The following NOL11 variants were observed in gnomAD, a reference collection of about 807,000 sequenced individuals.
NOL11 encodes nucleolar protein 11.
In NOL11, 42 loss-of-function variants were observed where a neutral mutation model predicts 93.0. The ratio of observed to expected loss-of-function variants is 0.45; its 90% CI spans 0.35 to 0.58. The LOEUF (loss-of-function observed/expected upper bound fraction) is 0.58, where lower values mean the gene tolerates loss of function less well. NOL11 is among the 20% of genes least tolerant of loss of function. The pLI, the probability that NOL11 is intolerant of heterozygous loss-of-function variation, is 0.00. For synonymous variants in NOL11, 296 were observed against 293.7 expected (o/e 1.01, Z -0.08); for missense variants, 775 against 841.8 (o/e 0.92, Z 0.98).
At chr17:67,738,711 C>T (rs1284017307) in intron 14 of NOL11, 5 of 494,436 alleles carry the variant, frequency 1.0e-5, no homozygotes, top group African/African-American at 2.0e-5. Flanking sequence ...TATACTAACA[C>T]AGAAGCTCTA....
intron 7 of NOL11, among the ~76,000 whole-genome samples, chr17:67,728,547 CTCTT>C (rs1361873035): frequency 1.3e-5 from 2 of 152,282 alleles, no homozygotes; most frequent in East Asian, 1.9e-4. Context: ...CCATCTTCCT[CTCTT>C]TCTTATTTCT....
chr17:67,729,567 A>G (rs1234392331), intron 7 of NOL11, among the ~76,000 whole-genome samples: 4 of 151,842 alleles, frequency 2.6e-5, no homozygotes, highest in Non-Finnish European at 5.9e-5. Context: ...ACTTTGTGTA[A>G]ATGAAATCAT....
At position 67,737,631 on chromosome 17, in the gene NOL11, C is replaced by A; in HGVS notation, c.1342C>A (p.Pro448Thr). Reference protein sequence around the residue: ...TGLLERCKAEPSFYPRNCLMQ... With the variant: ...TGLLERCKAETSFYPRNCLMQ... ...ACTTCTGGAAAGGTGTAAAGCAGAA[C>A]CATCATTTTATCCCCGGAACTGTCT... Residue 448 changes from proline (P) to threonine (T), a missense_variant, in exon 12 of 18, where the codon CCA (proline) becomes ACA (threonine). Pro to Thr is a conservative substitution (Grantham distance 38). This residue lies in a region of NOL11 where 416 missense variants were observed against 525.2 expected (regional missense o/e 0.79). Transcript: ENST00000253247. The A allele has an allele frequency of 6.2e-7, 1 of 1,614,160 alleles. No homozygotes were observed.
chr17:67,740,438 C>T (rs1302584095), intron 16 of NOL11, among the ~76,000 whole-genome samples: 2 of 150,946 alleles, frequency 1.3e-5, no homozygotes, highest in Non-Finnish European at 3.0e-5. Flanking sequence ...GGAGAAACCC[C>T]GTCTCTACTA....
At chr17:67,735,616 G>A (rs2055194290) in intron 8 of NOL11, among the ~76,000 whole-genome samples, 1 of 151,898 alleles carries the variant, frequency 6.6e-6, no homozygotes, top group South Asian at 2.1e-4. Context: ...GTTAATAGAT[G>A]TATAATAGTG....
intron 1 of NOL11, among the ~76,000 whole-genome samples, chr17:67,718,763 TC>T (rs2043194836): frequency 6.6e-6 from 1 of 152,198 alleles, no homozygotes; most frequent in South Asian, 2.1e-4. Flanking sequence ...AACATAGTTT[TC>T]CATGTTTTAA....
At chr17:67,730,520 G>A (rs543406708) in intron 7 of NOL11, among the ~76,000 whole-genome samples, 2 of 151,962 alleles carry the variant, frequency 1.3e-5, no homozygotes, top group South Asian at 2.1e-4. Context: ...TCAGCCTCCC[G>A]AAGTGCTGGG....
At chr17:67,718,210 G>T in intron 1 of NOL11, 122 bp downstream of exon 1, 1 of 1,357,994 alleles carries the variant, frequency 7.4e-7, no homozygotes, top group Non-Finnish European at 1.0e-6. Flanking sequence ...GCAGAGAGCC[G>T]GCTGGGCCTG....
chr17:67,729,307 C>T (rs764327622), intron 7 of NOL11, among the ~76,000 whole-genome samples: 11 of 151,934 alleles, frequency 7.2e-5, no homozygotes, highest in East Asian at 1.9e-4. Flanking sequence ...TTAGTAGAGA[C>T]GGGGTTTCAC....
intron 7 of NOL11, among the ~76,000 whole-genome samples, chr17:67,732,641 T>G (rs140768381): frequency 0.05 from 7,634 of 151,994 alleles, 635 homozygotes; most frequent in African/African-American, 0.17. Flanking sequence ...TGGCATGATC[T>G]TGGCTTACTG....
Position 67,737,095 on chromosome 17 carries a change from A to C in NOL11, c.1168A>C (p.Ser390Arg), listed in dbSNP as rs370528879. 31 of 1,610,924 alleles carry C rather than the reference A, an allele frequency of 1.9e-5. No individual in the cohort carries two copies. In the African/African-American group the frequency reaches 3.6e-4, roughly 19 times the overall value. The change falls in exon 11 of 18, where the codon AGT becomes CGT. Residue 390 changes from serine to arginine, a missense_variant. Around this residue, in one of 2 missense-constraint regions of NOL11, gnomAD observed 416 missense variants for 525.2 expected, o/e 0.79. Coordinates refer to ENST00000253247, the MANE Select transcript of NOL11 (RefSeq NM_015462.5). Reference sequence around the variant, plus strand: ...GTTAAGGAGACGAAAAATTGAAGTGAGTTTACAGCCAGAGGTTCCACCATC... The same window carrying C: ...GTTAAGGAGACGAAAAATTGAAGTGCGTTTACAGCCAGAGGTTCCACCATC... ...RILRRRKIEV[S>R]LQPEVPPSKQ...
chr17:67,733,681 G>GT lies in NOL11; in HGVS notation c.854-674dup, dbSNP rs142692065. Among the ~76,000 whole-genome samples, 1,345 of 151,942 alleles carry GT rather than the reference G, an allele frequency of 8.9e-3. 17 individuals are homozygous for GT. The highest frequency in any genetic ancestry group is 0.029 in the African/African-American group (1,188 of 41,408). ...TCCTTCCTTTTTCCTAGCTCTCTGA[G>GT]TTTTTTTTGTTGTTGTTTTTTAAGT... On this transcript the variant is annotated intron_variant, in intron 7 of 17. Transcript: ENST00000253247.
chr17:67,722,969 G>A (rs1038779047), intron 5 of NOL11, among the ~76,000 whole-genome samples: 1 of 150,942 alleles, frequency 6.6e-6, no homozygotes, highest in South Asian at 2.1e-4. Context: ...GGAATTACAG[G>A]TGTGAGCCAC....
chr17:67,726,775 A>AT (rs945302393), intron 7 of NOL11, 127 bp downstream of exon 7: 28 of 676,782 alleles, frequency 4.1e-5, no homozygotes, highest in South Asian at 7.1e-5. Flanking sequence ...AGCATACTCA[A>AT]TTTTTTTTGT....
At chr17:67,741,550 T>A (rs960309742) in intron 16 of NOL11, among the ~76,000 whole-genome samples, 4 of 151,778 alleles carry the variant, frequency 2.6e-5, no homozygotes, top group South Asian at 2.1e-4. Context: ...AGTGGTTATT[T>A]TTTATTTATT....
chr17:67,718,322 A>G (rs1452714303), intron 1 of NOL11, among the ~76,000 whole-genome samples: 2 of 151,986 alleles, frequency 1.3e-5, no homozygotes, highest in African/African-American at 4.8e-5. Context: ...CGTGGGTTAG[A>G]CTCGGAAAAG....
chr17:67,739,113 C>A, intron 15 of NOL11, 103 bp downstream of exon 15: 2 of 877,356 alleles, frequency 2.3e-6, no homozygotes, highest in East Asian at 4.9e-5. Flanking sequence ...GAAATTCTTT[C>A]ATGTGAATAA....
In NOL11 at chr17:67,731,262, T is replaced by TGAAGTCCAA. The variant is rs1487713176; in HGVS notation, c.854-3101_854-3100insGAAGTCCAA. Among the ~76,000 whole-genome samples the TGAAGTCCAA allele has an allele frequency of 7.8e-3, 22 of 2,810 alleles. 1 individual carries two copies. The highest frequency in any genetic ancestry group is 0.041 in the South Asian group (3 of 74). 1.8% of individuals were successfully genotyped at this position (2,810 alleles called of 152,430 possible). ...CTTCGTGCACAAAAGTTTTTTTTTT[T>TGAAGTCCAA]TTTTTTTTTTTTTTTTTTTGAGACG... On this transcript the variant is annotated intron_variant, in intron 7 of 17. Transcript: ENST00000253247.
chr17:67,723,388 T>C (rs2055053614), intron 5 of NOL11, among the ~76,000 whole-genome samples: 1 of 107,178 alleles, frequency 9.3e-6, no homozygotes, highest in Non-Finnish European at 1.9e-5. Flanking sequence ...TTTTTTTTTT[T>C]TTTTTTTTTT....
Sources: allele counts gnomAD v4.1 joint callset (sites outside exome capture counted in the v4.1 genomes callset), GRCh38; gene constraint gnomAD v4.1.1; regional missense constraint gnomAD v4.1.1; transcripts MANE v1.5; gene names NCBI Gene and HGNC (gene_info 2026-07-23, HGNC 2026-07-21).